MED23: variants seen among roughly 807,000 people sequenced by gnomAD.
The protein encoded by MED23 is mediator of RNA polymerase II transcription subunit 23.
A neutral mutation model predicts 163.9 loss-of-function variants in MED23; 105 were observed. The ratio of observed to expected loss-of-function variants is 0.64; its 90% CI spans 0.55 to 0.75. MED23 has a LOEUF of 0.75. Ranked by LOEUF, MED23 falls within the 30% of genes least tolerant of loss-of-function variation. The pLI, the probability that MED23 is intolerant of heterozygous loss-of-function variation, is 0.00. For synonymous variants in MED23, 561 were observed against 565.6 expected (o/e 0.99, Z 0.12); for missense variants, 1,054 against 1,649.0 (o/e 0.64, Z 6.25).
chr6:131,591,409 T>C lies in MED23; in HGVS notation c.3590A>G (p.His1197Arg). 1 of 1,613,914 alleles carries C rather than the reference T, an allele frequency of 6.2e-7. No individual in the cohort carries two copies. Among genetic ancestry groups the C allele is most frequent in the Non-Finnish European group, 8.5e-7 (1 of 1,179,796 alleles). Reference sequence around the variant, plus strand: ...ACAACTCATCTCAGAGTAGGACTGATGACAGGCAGTGAAATCAAAGAGGCG... The same window carrying C: ...ACAACTCATCTCAGAGTAGGACTGACGACAGGCAGTGAAATCAAAGAGGCG... ...PFRLFDFTACHQSYSEMSCSY... is the reference protein window; with the variant it reads ...PFRLFDFTACRQSYSEMSCSY... The change falls in exon 26 of 29, where the codon CAT (histidine) becomes CGT (arginine). Residue 1197 changes from histidine (H) to arginine (R), a missense_variant. By Grantham distance (29) the His-to-Arg change is conservative. Coordinates refer to ENST00000368068, the MANE Select transcript of MED23 (RefSeq NM_004830.4).
rs899761867 is a variant in MED23, at chr6:131,592,287, G to C, written c.3471+101C>G. ...AAAATACTTCATTAATTTGCATGACGTCCCGTACAAGGGCATCCTATATGC... is the reference window on the plus strand; with the variant it reads ...AAAATACTTCATTAATTTGCATGACCTCCCGTACAAGGGCATCCTATATGC... On this transcript the variant is annotated intron_variant, in intron 25 of 28. Transcript: ENST00000368068. The C allele has an allele frequency of 1.2e-5, 11 of 956,218 alleles. No homozygotes were observed. The African/African-American group carries it at 1.5e-4, about 13-fold the overall frequency. 59.2% of individuals were successfully genotyped at this position (956,218 alleles called of 1,614,324 possible). A position where few individuals can be genotyped will look rare whatever the true frequency, so the allele number is the denominator to read the frequency against.
At position 131,591,449 on chromosome 6, in the gene MED23, C is replaced by A. The variant is rs753472645; in HGVS notation, c.3550G>T (p.Val1184Phe). The A allele has an allele frequency of 3.1e-6, 5 of 1,613,796 alleles. No individual in the cohort carries two copies. In the African/African-American group the frequency reaches 5.3e-5, roughly 17 times the overall value. ...TCAAAGAGGCGGAATGGATAGCCAA[C>A]CCACTCTGTTTCAGACGTCAAGCTG... ...SPSLTSETEW[V>F]GYPFRLFDFT... Residue 1184 changes from valine to phenylalanine, a missense_variant, in exon 26 of 29, where the codon GTT (valine) becomes TTT (phenylalanine). Val to Phe is a conservative substitution (Grantham distance 50). Coordinates refer to ENST00000368068, the MANE Select transcript of MED23 (RefSeq NM_004830.4).
chr6:131,583,534 G>T, downstream of MED23: 1 of 1,594,612 alleles, frequency 6.3e-7, no homozygotes, highest in South Asian at 1.1e-5. Flanking sequence ...GTGTACACTT[G>T]ACTAATATAT....
chr6:131,591,037 G>C (rs1774582572), intron 26 of MED23, among the ~76,000 whole-genome samples: 1 of 150,900 alleles, frequency 6.6e-6, no homozygotes, highest in South Asian at 2.1e-4. Flanking sequence ...CTGGAGTGCA[G>C]TGGCGCGATC....
chr6:131,582,010 A>AT (rs1429176037), downstream of MED23, among the ~76,000 whole-genome samples: 2 of 152,208 alleles, frequency 1.3e-5, no homozygotes, highest in African/African-American at 4.8e-5. Flanking sequence ...GTTTGTTGAT[A>AT]TGCCATAGTA....
intron 30 of MED23, among the ~76,000 whole-genome samples, chr6:131,577,152 G>A (rs1773657144): frequency 6.6e-6 from 1 of 152,190 alleles, no homozygotes; most frequent in African/African-American, 2.4e-5. Flanking sequence ...TGGGCGCAGT[G>A]TGTATATATA....
intron 8 of MED23, among the ~76,000 whole-genome samples, chr6:131,619,149 A>G (rs998056608): frequency 1.2e-4 from 19 of 152,226 alleles, no homozygotes; most frequent in Admixed American, 9.8e-4. Context: ...TGATATCAAT[A>G]TCCACTCAGT....
intron 10 of MED23, chr6:131,615,604 T>C: frequency 2.1e-6 from 1 of 471,752 alleles, no homozygotes; most frequent in Non-Finnish European, 3.7e-6. Flanking sequence ...ACAAAAAAAG[T>C]CAAAAATTAT....
upstream of MED23, chr6:131,628,285 C>T (rs1271142775): frequency 5.4e-6 from 3 of 558,150 alleles, no homozygotes; most frequent in East Asian, 3.1e-5. Context: ...CCGCAGAAAC[C>T]AGCGGCGCCA....
chr6:131,627,924 G>T, intron 1 of MED23, 87 bp downstream of exon 1: 1 of 1,540,964 alleles, frequency 6.5e-7, no homozygotes, highest in Non-Finnish European at 9.0e-7. Flanking sequence ...GTGAGAGGAG[G>T]TTGCCCAGGC....
chr6:131,583,471 C>A, downstream of MED23: 1 of 1,614,106 alleles, frequency 6.2e-7, no homozygotes, highest in Non-Finnish European at 8.5e-7. Context: ...CTCTACATCA[C>A]AGAAGAAATC....
intron 15 of MED23, 69 bp from the exon 16 acceptor site, chr6:131,603,273 T>A: frequency 7.1e-7 from 1 of 1,411,190 alleles, no homozygotes; most frequent in African/African-American, 1.4e-5. Context: ...TTGAAGAAAG[T>A]CACATTGAGT....
intron 20 of MED23, among the ~76,000 whole-genome samples, chr6:131,597,597 G>A (rs17060430): frequency 0.033 from 4,981 of 151,500 alleles, 166 homozygotes; most frequent in East Asian, 0.15. Context: ...GGTTATATTC[G>A]CACTCTGTAA....
chr6:131,579,174 A>G, intron 30 of MED23: 1 of 1,614,168 alleles, frequency 6.2e-7, no homozygotes, highest in Non-Finnish European at 8.5e-7. Context: ...AGTCCCTTTC[A>G]AATTGTGAAG....
At position 131,586,750 on chromosome 6, in the gene MED23, G is replaced by A. The variant is rs1219073563; in HGVS notation, c.*929C>T. The stretch of plus-strand genomic sequence containing the variant: ...AATGGAGTCGGGAAACAATCACACG[G>A]TTTATTCATTCAGCAGACTTTACTC... On this transcript the variant is annotated 3_prime_UTR_variant, in exon 29 of 29. Transcript: ENST00000368068. 1.4e-6 allele frequency: 2 copies of A among 1,459,902 alleles called. No individual in the cohort carries two copies. Among genetic ancestry groups the A allele is most frequent in the Admixed American group, 4.2e-5 (2 of 47,804 alleles). 90.4% of individuals were successfully genotyped at this position (1,459,902 alleles called of 1,614,324 possible).
intron 17 of MED23, among the ~76,000 whole-genome samples, chr6:131,601,128 T>C (rs927084004): frequency 6.6e-6 from 1 of 152,174 alleles, no homozygotes; most frequent in Non-Finnish European, 1.5e-5. Flanking sequence ...AGACATTTTC[T>C]TGAAAATTAA....
Position 131,592,457 on chromosome 6 carries a change from C to T in MED23, c.3402G>A (p.Gln1134=), listed in dbSNP as rs779783564. ...NALLNVVLKS[Q]PLVPRENITA... ...TAATGTTCTCTCTTGGCACTAAAGG[C>T]TGACTGCAACCGGCAAAAAAGAATG... Residue 1134 remains glutamine, a synonymous_variant, in exon 25 of 29, where the codon CAG becomes CAA. Coordinates refer to ENST00000368068, the MANE Select transcript of MED23 (RefSeq NM_004830.4). 1.2e-6 allele frequency: 2 copies of T among 1,613,814 alleles called. No homozygotes were observed. Among genetic ancestry groups the T allele is most frequent in the Admixed American group, 3.3e-5 (2 of 60,018 alleles).
intron 9 of MED23, among the ~76,000 whole-genome samples, chr6:131,616,802 CAGAG>C (rs1776724366): frequency 6.6e-6 from 1 of 152,150 alleles, no homozygotes; most frequent in African/African-American, 2.4e-5. Flanking sequence ...GCCTGGGTGA[CAGAG>C]TGAGAGCCTG....
intron 9 of MED23, 142 bp from the exon 10 acceptor site, chr6:131,616,144 G>T: frequency 1.4e-6 from 1 of 704,880 alleles, no homozygotes; most frequent in South Asian, 1.6e-5. Flanking sequence ...AAAATCATAG[G>T]ATTTTAGTGC....
Sources: gnomAD v4.1 joint callset for allele counts (sites outside exome capture counted in the v4.1 genomes callset) on GRCh38, gnomAD v4.1.1 for gene constraint, MANE v1.5 for transcripts, NCBI Gene and HGNC (gene_info 2026-07-23, HGNC 2026-07-21) for gene names.